The following VAT1L variants were observed in gnomAD, a reference collection of about 807,000 sequenced individuals.
The protein encoded by VAT1L is putative NADPH-dependent quinone oxidoreductase VAT1L.
A neutral mutation model predicts 44.1 loss-of-function variants in VAT1L; 34 were observed. The ratio of observed to expected loss-of-function variants is 0.77; its 90% CI spans 0.59 to 1.03. VAT1L has a LOEUF of 1.03. VAT1L is among the 50% of genes least tolerant of loss of function. VAT1L has a pLI of 0.00. For synonymous variants in VAT1L, 253 were observed against 202.2 expected, an observed-to-expected ratio of 1.25 and a Z score of -2.13; for missense variants, 615 against 538.8, an observed-to-expected ratio of 1.14 and a Z score of -1.40.
chr16:77,923,224 G>A (rs899453827), intron 7 of VAT1L, among the ~76,000 whole-genome samples: 1 of 152,224 alleles, frequency 6.6e-6, no homozygotes, highest in East Asian at 1.9e-4. Flanking sequence ...GCCAAGGTGG[G>A]TGGATCATGA....
At chr16:77,957,485 G>A (rs941804929) in intron 7 of VAT1L, among the ~76,000 whole-genome samples, 2 of 152,114 alleles carry the variant, frequency 1.3e-5, no homozygotes, top group African/African-American at 4.8e-5. Flanking sequence ...CCAGCACTTT[G>A]GGCAGCCAAG....
chr16:77,844,598 G>A (rs1455032014), intron 3 of VAT1L, among the ~76,000 whole-genome samples: 2 of 151,860 alleles, frequency 1.3e-5, no homozygotes, highest in African/African-American at 2.4e-5. Flanking sequence ...TATTAGAAAC[G>A]AGGTTTCCCC....
intron 7 of VAT1L, among the ~76,000 whole-genome samples, chr16:77,891,342 AG>A (rs2017263633): frequency 6.6e-6 from 1 of 152,208 alleles, no homozygotes; most frequent in African/African-American, 2.4e-5. Flanking sequence ...CGACAGAGCA[AG>A]ACTCCGTCTA....
At chr16:77,951,193 G>C (rs573777882) in intron 7 of VAT1L, among the ~76,000 whole-genome samples, 6 of 152,248 alleles carry the variant, frequency 3.9e-5, no homozygotes, top group African/African-American at 7.2e-5. Context: ...AACAATGGGA[G>C]CTCTTCAGTA....
chr16:77,889,537 A>G (rs1186718732), intron 7 of VAT1L, among the ~76,000 whole-genome samples: 1 of 152,224 alleles, frequency 6.6e-6, no homozygotes, highest in Non-Finnish European at 1.5e-5. Context: ...GTCCTAGACA[A>G]CATGTTAATA....
intron 1 of VAT1L, among the ~76,000 whole-genome samples, chr16:77,808,173 C>G (rs530966069): frequency 7.9e-4 from 121 of 152,238 alleles, no homozygotes; most frequent in African/African-American, 2.7e-3. Flanking sequence ...CACTCTGCCT[C>G]CTGTCAGATC....
chr16:77,959,545 C>A (rs963096915), intron 7 of VAT1L, among the ~76,000 whole-genome samples: 3 of 152,112 alleles, frequency 2.0e-5, no homozygotes, highest in African/African-American at 7.2e-5. Flanking sequence ...ATCTAACAGG[C>A]GTAGTGATCC....
intron 1 of VAT1L, among the ~76,000 whole-genome samples, chr16:77,803,586 A>AT (rs376838882): frequency 1.7e-3 from 261 of 151,680 alleles, no homozygotes; most frequent in African/African-American, 6.1e-3. Context: ...CGCCCGGCTA[A>AT]TTTTTTGTAT....
At chr16:77,848,692 T>G (rs2016780038) in intron 3 of VAT1L, among the ~76,000 whole-genome samples, 1 of 152,174 alleles carries the variant, frequency 6.6e-6, no homozygotes, top group Non-Finnish European at 1.5e-5. Context: ...TCAGGGGTAC[T>G]TCCGCAGATG....
At chr16:77,806,865 C>T (rs1344512348) in intron 1 of VAT1L, among the ~76,000 whole-genome samples, 1 of 152,120 alleles carries the variant, frequency 6.6e-6, no homozygotes. Flanking sequence ...GAAATCAAGA[C>T]ATGGCCACTC....
At chr16:77,803,174 T>G (rs1290240295) in intron 1 of VAT1L, among the ~76,000 whole-genome samples, 1 of 152,196 alleles carries the variant, frequency 6.6e-6, no homozygotes, top group Non-Finnish European at 1.5e-5. Flanking sequence ...AGGGTAGAGA[T>G]GCTACTACTC....
At chr16:77,801,148 G>A (rs963636949) in intron 1 of VAT1L, 1 of 152,038 alleles carries the variant, frequency 6.6e-6, no homozygotes, top group African/African-American at 2.4e-5. Context: ...CCTTTTTTGG[G>A]TACTTTCCAA....
intron 7 of VAT1L, among the ~76,000 whole-genome samples, chr16:77,915,332 G>A (rs983290375): frequency 6.6e-6 from 1 of 152,172 alleles, no homozygotes; most frequent in South Asian, 2.1e-4. Flanking sequence ...TATCATAAAT[G>A]TATGCATATA....
chr16:77,927,784 G>A (rs1056680521), intron 7 of VAT1L, among the ~76,000 whole-genome samples: 4 of 151,998 alleles, frequency 2.6e-5, no homozygotes, highest in Non-Finnish European at 5.9e-5. Flanking sequence ...CAGGAGAATC[G>A]CTTGAACCCG....
At chr16:77,897,522 G>A (rs1384077749) in intron 7 of VAT1L, among the ~76,000 whole-genome samples, 1 of 152,204 alleles carries the variant, frequency 6.6e-6, no homozygotes, top group Non-Finnish European at 1.5e-5. Flanking sequence ...CCAGGCTGGA[G>A]TGGAATGGTG....
At chr16:77,858,809 G>A (rs769888393) in intron 3 of VAT1L, among the ~76,000 whole-genome samples, 3 of 151,956 alleles carry the variant, frequency 2.0e-5, no homozygotes, top group Non-Finnish European at 4.4e-5. Context: ...GACCAGCCTG[G>A]GTAACATAGT....
intron 3 of VAT1L, among the ~76,000 whole-genome samples, chr16:77,837,874 A>G (rs374349929): frequency 1.3e-4 from 20 of 152,208 alleles, no homozygotes; most frequent in African/African-American, 4.6e-4. Flanking sequence ...AGCTGCTATT[A>G]TTCCTATTAT....
At chr16:77,908,226 GAGAC>G (rs1567504878) in intron 7 of VAT1L, among the ~76,000 whole-genome samples, 3 of 146,936 alleles carry the variant, frequency 2.0e-5, no homozygotes, top group Non-Finnish European at 4.5e-5. Context: ...GTGACAGAGT[GAGAC>G]TCTGTCTCAA....
intron 7 of VAT1L, among the ~76,000 whole-genome samples, chr16:77,950,303 G>A (rs919639149): frequency 1.9e-4 from 29 of 152,144 alleles, no homozygotes; most frequent in African/African-American, 5.5e-4. Context: ...CAGCTACTCA[G>A]GAGGCTGACA....
Sources: allele counts gnomAD v4.1 joint callset (sites outside exome capture counted in the v4.1 genomes callset), GRCh38; gene constraint gnomAD v4.1.1; transcripts MANE v1.5; gene names NCBI Gene and HGNC (gene_info 2026-07-23, HGNC 2026-07-21).